Variants in ADAMTSL1 observed in about 807,000 individuals in gnomAD.
ADAMTSL1 encodes the protein ADAMTS like 1.
In ADAMTSL1, 126 loss-of-function variants were observed where a neutral mutation model predicts 201.8. The observed-to-expected ratio is 0.62, with a 90% confidence interval of 0.54 to 0.72. The LOEUF is 0.72. ADAMTSL1 is among the 30% of genes least tolerant of loss of function. ADAMTSL1 has a pLI of 0.00. For missense variants in ADAMTSL1, 2,679 were observed against 2,277.8 expected (o/e 1.18, Z -3.59); for synonymous variants, 1,121 against 903.4 (o/e 1.24, Z -4.32).
intron 1 of ADAMTSL1, among the ~76,000 whole-genome samples, chr9:17,973,967 G>T (rs952718130): frequency 1.3e-5 from 2 of 151,378 alleles, no homozygotes; most frequent in African/African-American, 4.9e-5. Context: ...CTCTCTGTTT[G>T]TCTGTTATTG....
intron 16 of ADAMTSL1, among the ~76,000 whole-genome samples, chr9:18,768,520 T>C (rs1820493809): frequency 6.7e-6 from 1 of 148,220 alleles, no homozygotes; most frequent in Admixed American, 6.7e-5. Context: ...ATTTCACATT[T>C]TTTGTTAGCC....
intron 22 of ADAMTSL1, among the ~76,000 whole-genome samples, chr9:18,827,435 C>G (rs1200910822): frequency 1.3e-5 from 2 of 151,996 alleles, no homozygotes; most frequent in African/African-American, 4.8e-5. Flanking sequence ...CCTGCCCACT[C>G]AGATTTCAGA....
chr9:17,958,646 T>A (rs915963453), intron 1 of ADAMTSL1, among the ~76,000 whole-genome samples: 2 of 152,156 alleles, frequency 1.3e-5, no homozygotes, highest in African/African-American at 4.8e-5. Flanking sequence ...GTATGACACA[T>A]ACCAGGGAAG....
intron 23 of ADAMTSL1, among the ~76,000 whole-genome samples, chr9:18,848,767 C>A (rs114178832): frequency 2.6e-5 from 4 of 152,130 alleles, no homozygotes; most frequent in Non-Finnish European, 5.9e-5. Context: ...GCCCCTGTTG[C>A]GGGTATTCAA....
chr9:18,522,539 C>T (rs187361960), intron 2 of ADAMTSL1, among the ~76,000 whole-genome samples: 1 of 152,056 alleles, frequency 6.6e-6, no homozygotes, highest in East Asian at 1.9e-4. Context: ...GTGCTGCACC[C>T]ATTAACTCGT....
chr9:18,875,668 A>C (rs1022020043), intron 23 of ADAMTSL1, among the ~76,000 whole-genome samples: 4 of 152,174 alleles, frequency 2.6e-5, no homozygotes, highest in Admixed American at 6.5e-5. Flanking sequence ...CATGGCCTGT[A>C]ACATAGACTA....
intron 1 of ADAMTSL1, among the ~76,000 whole-genome samples, chr9:17,982,946 GA>G (rs1383842076): frequency 6.7e-6 from 1 of 149,262 alleles, no homozygotes; most frequent in Middle Eastern, 3.5e-3. Context: ...GAACAGCTTG[GA>G]AAAAAAAATC....
chr9:18,681,894 G>A lies in ADAMTSL1; in HGVS notation c.1424G>A (p.Ser475Asn), dbSNP rs1409098704. 9 of 1,614,004 alleles carry A rather than the reference G, an allele frequency of 5.6e-6. No individual in the cohort carries two copies. The highest frequency in any genetic ancestry group is 6.8e-6 in the Non-Finnish European group (8 of 1,180,028). Reference protein sequence around the residue: ...DHRGMHTGGCSPKTKPHIKEE... With the variant: ...DHRGMHTGGCNPKTKPHIKEE... ...CGAGGAATGCACACAGGAGGCTGTA[G>A]CCCAAAAACAAAGCCCCACATAAAA... The change falls in exon 12 of 29, where the codon AGC becomes AAC. Residue 475 changes from serine (S) to asparagine (N), a missense_variant. Coordinates refer to ENST00000380548, the MANE Select transcript of ADAMTSL1 (RefSeq NM_001040272.6).
At chr9:18,356,861 C>T (rs1400603530) in intron 2 of ADAMTSL1, among the ~76,000 whole-genome samples, 2 of 152,164 alleles carry the variant, frequency 1.3e-5, no homozygotes, top group Non-Finnish European at 2.9e-5. Context: ...AAGCAGAAAA[C>T]TTTTCACATA....
intron 4 of ADAMTSL1, among the ~76,000 whole-genome samples, chr9:18,575,890 G>A (rs1187769011): frequency 1.3e-5 from 2 of 152,076 alleles, no homozygotes; most frequent in African/African-American, 4.8e-5. Flanking sequence ...CAGCAAATTA[G>A]GTTTCATTTA....
At chr9:18,207,984 T>G (rs1298946988) in intron 2 of ADAMTSL1, among the ~76,000 whole-genome samples, 1 of 152,190 alleles carries the variant, frequency 6.6e-6, no homozygotes, top group Non-Finnish European at 1.5e-5. Flanking sequence ...AGACAGCACC[T>G]GGGAACCAGG....
intron 2 of ADAMTSL1, among the ~76,000 whole-genome samples, chr9:18,243,114 G>A (rs188069767): frequency 8.3e-4 from 127 of 152,156 alleles, no homozygotes; most frequent in African/African-American, 2.8e-3. Context: ...AAAACAGTAC[G>A]GTACTGGCAT....
chr9:18,807,818 A>C (rs1162170966), intron 20 of ADAMTSL1, among the ~76,000 whole-genome samples: 2 of 152,148 alleles, frequency 1.3e-5, no homozygotes, highest in East Asian at 3.8e-4. Flanking sequence ...ATCTTAACAC[A>C]AATGTATAAT....
intron 1 of ADAMTSL1, among the ~76,000 whole-genome samples, chr9:18,080,180 A>G (rs536163299): frequency 6.6e-6 from 1 of 152,344 alleles, no homozygotes; most frequent in East Asian, 1.9e-4. Flanking sequence ...GAAATAGATG[A>G]GAGGACTGAA....
intron 2 of ADAMTSL1, among the ~76,000 whole-genome samples, chr9:18,171,798 T>C (rs1269437675): frequency 6.6e-6 from 1 of 152,096 alleles, no homozygotes; most frequent in Admixed American, 6.6e-5. Flanking sequence ...TCTTCTAGGG[T>C]TTTTATGGTT....
intron 1 of ADAMTSL1, among the ~76,000 whole-genome samples, chr9:18,136,099 T>C (rs933501884): frequency 6.6e-6 from 1 of 152,114 alleles, no homozygotes; most frequent in Non-Finnish European, 1.5e-5. Context: ...ATAATACTGA[T>C]GTGGAAAAAG....
chr9:18,083,608 A>G (rs1418624501), intron 1 of ADAMTSL1, among the ~76,000 whole-genome samples: 1 of 152,232 alleles, frequency 6.6e-6, no homozygotes, highest in Non-Finnish European at 1.5e-5. Flanking sequence ...GTTATATGAA[A>G]GACAGACTCA....
At chr9:18,695,244 T>C (rs975758684) in intron 13 of ADAMTSL1, among the ~76,000 whole-genome samples, 3 of 152,208 alleles carry the variant, frequency 2.0e-5, no homozygotes, top group African/African-American at 7.2e-5. Flanking sequence ...GCTATTAACA[T>C]TTGGGAAGGG....
At chr9:18,047,484 C>G (rs1821717947) in intron 1 of ADAMTSL1, among the ~76,000 whole-genome samples, 2 of 152,162 alleles carry the variant, frequency 1.3e-5, no homozygotes, top group East Asian at 3.9e-4. Flanking sequence ...AGAAACATTC[C>G]TCTAAGGTAT....
Sources: allele counts gnomAD v4.1 joint callset (sites outside exome capture counted in the v4.1 genomes callset), GRCh38; gene constraint gnomAD v4.1.1; transcripts MANE v1.5; gene names NCBI Gene and HGNC (gene_info 2026-07-23, HGNC 2026-07-21).